Variants in MYO5A observed in about 807,000 individuals in gnomAD.
The protein encoded by MYO5A is myosin VA.
In MYO5A, 98 loss-of-function variants were observed where a neutral mutation model predicts 249.7. That is an observed-to-expected ratio of 0.39 (90% CI 0.33 to 0.46). The LOEUF is 0.46. Among genes scored for constraint, MYO5A ranks in the 20% least tolerant of loss-of-function variants. The pLI, the probability that MYO5A is intolerant of heterozygous loss-of-function variation, is 0.98. For missense variants in MYO5A, 1,696 were observed against 2,308.8 expected, an observed-to-expected ratio of 0.73 and a Z score of 5.44; for synonymous variants, 778 against 810.6, an observed-to-expected ratio of 0.96 and a Z score of 0.68.
At position 52,397,399 on chromosome 15, in the gene MYO5A, C is replaced by G; in HGVS notation, c.1121G>C (p.Trp374Ser). ...AGTAGCCAGTTTCCGATGGCAGAGC[C>G]AGTGACACATCTCCTCATAGTCCAC... is the stretch of plus-strand genomic sequence containing the variant. ...MGVDYEEMCH[W>S]LCHRKLATAT... is the part of the protein sequence containing the mutation. The change falls in exon 10 of 42, where the codon TGG (tryptophan) becomes TCG (serine). Residue 374 changes from tryptophan (W) to serine (S), a missense_variant. By Grantham distance (177) the Trp-to-Ser change is radical (BLOSUM62 -3). Coordinates refer to ENST00000399233, the MANE Select transcript of MYO5A (RefSeq NM_001382347.1). 1 of 1,614,058 alleles carries G rather than the reference C, an allele frequency of 6.2e-7. No individual in the cohort carries two copies. The highest frequency in any genetic ancestry group is 8.5e-7 in the Non-Finnish European group (1 of 1,179,962).
At chr15:52,383,784 T>C (rs1359526568) in intron 15 of MYO5A, among the ~76,000 whole-genome samples, 3 of 152,178 alleles carry the variant, frequency 2.0e-5, no homozygotes, top group African/African-American at 2.4e-5. Context: ...AGCATGTATG[T>C]AACATTTCCC....
At chr15:52,508,617 C>T (rs7180761) in intron 1 of MYO5A, among the ~76,000 whole-genome samples, 100,879 of 151,982 alleles carry the variant, frequency 0.66, 33,796 homozygotes, top group East Asian at 0.73. Context: ...TATTATTCCC[C>T]GCCTCACCCC....
At chr15:52,389,682 G>C (rs2042129630) in intron 12 of MYO5A, among the ~76,000 whole-genome samples, 1 of 152,138 alleles carries the variant, frequency 6.6e-6, no homozygotes, top group Admixed American at 6.5e-5. Flanking sequence ...GCCGGGCGTG[G>C]TGGCTCATGC....
At chr15:52,373,671 G>A (rs1172265500) in intron 20 of MYO5A, among the ~76,000 whole-genome samples, 3 of 152,122 alleles carry the variant, frequency 2.0e-5, no homozygotes, top group African/African-American at 4.8e-5. Flanking sequence ...GAGCTGGCCG[G>A]AGGCTGCCAC....
rs570396310 is a variant in MYO5A, at chr15:52,469,299, A to G, written c.28-36014T>C. ...TGACCAGAAGTTTTACTGATAACAT[A>G]AACAGTTGATTAACACATATTCTGT... On this transcript the variant is annotated intron_variant, in intron 1 of 41. Transcript: ENST00000399233. 6.6e-5 allele frequency among the ~76,000 whole-genome samples: 10 copies of G among 152,352 alleles called. No individual in the cohort carries two copies. The South Asian group carries it at 2.1e-3, about 32-fold the overall frequency.
At chr15:52,527,504 G>C (rs933174763) in intron 1 of MYO5A, among the ~76,000 whole-genome samples, 6 of 152,200 alleles carry the variant, frequency 3.9e-5, no homozygotes, top group African/African-American at 1.4e-4. Flanking sequence ...TTTCATGGTT[G>C]AAGAAATTAA....
At chr15:52,377,691 C>G (rs1043941789) in intron 18 of MYO5A, among the ~76,000 whole-genome samples, 3 of 151,798 alleles carry the variant, frequency 2.0e-5, no homozygotes, top group Non-Finnish European at 4.4e-5. Context: ...CTGCCTCAGC[C>G]CCCTGAGTAG....
At chr15:52,401,421 G>A (rs1025633145) in intron 9 of MYO5A, among the ~76,000 whole-genome samples, 2 of 152,120 alleles carry the variant, frequency 1.3e-5, no homozygotes, top group Admixed American at 6.6e-5. Context: ...ATTCATTCTA[G>A]AAAGATATTT....
intron 38 of MYO5A, among the ~76,000 whole-genome samples, chr15:52,321,030 A>T (rs1187006996): frequency 6.6e-6 from 1 of 151,050 alleles, no homozygotes; most frequent in East Asian, 1.9e-4. Flanking sequence ...AAAAAAAGGG[A>T]GCCTGCTGAT....
chr15:52,409,659 A>T (rs1294232432), intron 6 of MYO5A, among the ~76,000 whole-genome samples: 2 of 152,226 alleles, frequency 1.3e-5, no homozygotes, highest in Non-Finnish European at 2.9e-5. Context: ...TGAAACCCAA[A>T]TCTCACAGCA....
At chr15:52,341,085 C>T (rs1369264063) in intron 31 of MYO5A, among the ~76,000 whole-genome samples, 1 of 152,040 alleles carries the variant, frequency 6.6e-6, no homozygotes, top group African/African-American at 2.4e-5. Context: ...ACACCTTTGC[C>T]ACAAAACAAC....
At position 52,445,370 on chromosome 15, in the gene MYO5A, G is replaced by GC. The variant is rs557597195; in HGVS notation, c.28-12086dup. On this transcript the variant is annotated intron_variant, in intron 1 of 41. Transcript: ENST00000399233. Reference sequence around the variant, plus strand: ...CCTCCCTAGAAGCAGATGCCGCCATGCTTCATGTACAGCCTGCAGAACCGT... The same window carrying GC: ...CCTCCCTAGAAGCAGATGCCGCCATGCCTTCATGTACAGCCTGCAGAACCGT... Among the ~76,000 whole-genome samples, 5 of 152,184 alleles carry GC rather than the reference G, an allele frequency of 3.3e-5. No individual in the cohort carries two copies. In the East Asian group the frequency reaches 9.6e-4, roughly 29 times the overall value.
chr15:52,484,037 ATT>A (rs1402311268), intron 1 of MYO5A, among the ~76,000 whole-genome samples: 1 of 152,164 alleles, frequency 6.6e-6, no homozygotes, highest in African/African-American at 2.4e-5. Flanking sequence ...GACCACTAAC[ATT>A]TGTTAGGGGG....
At chr15:52,381,887 TG>T (rs1290669069) in intron 16 of MYO5A, among the ~76,000 whole-genome samples, 5 of 152,032 alleles carry the variant, frequency 3.3e-5, no homozygotes, top group Non-Finnish European at 7.4e-5. Flanking sequence ...CTGGGTATGA[TG>T]GATGCTTTTT....
intron 33 of MYO5A, among the ~76,000 whole-genome samples, chr15:52,337,334 A>G (rs1298913573): frequency 1.3e-5 from 2 of 152,224 alleles, no homozygotes; most frequent in African/African-American, 4.8e-5. Context: ...TTAAAAACTC[A>G]ATCAAAAAGA....
chr15:52,314,098 CAAA>C (rs1205184310), intron 41 of MYO5A, 22 bp downstream of exon 41: 1 of 1,559,548 alleles, frequency 6.4e-7, no homozygotes, highest in African/African-American at 1.4e-5. Context: ...GTTGGTGAAT[CAAA>C]GAAGAAGATG....
At chr15:52,333,794 T>C (rs1197961904) in intron 34 of MYO5A, among the ~76,000 whole-genome samples, 1 of 152,232 alleles carries the variant, frequency 6.6e-6, no homozygotes, top group Non-Finnish European at 1.5e-5. Context: ...AGGATTTAAG[T>C]GTGTTGCAAT....
chr15:52,504,747 G>A (rs577490450), intron 1 of MYO5A, among the ~76,000 whole-genome samples: 25 of 151,842 alleles, frequency 1.6e-4, no homozygotes, highest in African/African-American at 5.3e-4. Context: ...AAAATTAGCC[G>A]GGCATGGTGG....
intron 1 of MYO5A, among the ~76,000 whole-genome samples, chr15:52,434,017 T>TTC (rs2075604356): frequency 7.2e-6 from 1 of 139,414 alleles, no homozygotes; most frequent in African/African-American, 2.6e-5. Context: ...TTTTTTTTTT[T>TTC]GAGATACAGT....
Sources: gnomAD v4.1 joint callset for allele counts (sites outside exome capture counted in the v4.1 genomes callset) on GRCh38, gnomAD v4.1.1 for gene constraint, MANE v1.5 for transcripts, NCBI Gene and HGNC (gene_info 2026-07-23, HGNC 2026-07-21) for gene names.